CAMTA1: variants seen among roughly 807,000 people sequenced by gnomAD.
CAMTA1 encodes the protein calmodulin-binding transcription activator 1.
Under a neutral mutation model 170.9 loss-of-function variants are expected in CAMTA1, and 27 were observed. The observed-to-expected ratio is 0.16, with a 90% CI of 0.12 to 0.22. The LOEUF (loss-of-function observed/expected upper bound fraction) is 0.22, where lower values mean the gene tolerates loss of function less well. Ranked by LOEUF, CAMTA1 falls within the 10% of genes least tolerant of loss-of-function variation. The pLI is 1.00. For synonymous variants in CAMTA1, 833 were observed against 891.5 expected (o/e 0.93, Z 1.17); for missense variants, 1,619 against 2,217.2 (o/e 0.73, Z 5.42).
chr1:6,823,271 A>G (rs1280509683), intron 2 of CAMTA1, among the ~76,000 whole-genome samples: 6 of 152,112 alleles, frequency 3.9e-5, no homozygotes, highest in Middle Eastern at 3.2e-3. Context: ...CCTCGGGAGG[A>G]TGAAGTGCAG....
intron 3 of CAMTA1, among the ~76,000 whole-genome samples, chr1:7,082,955 C>T (rs1640229055): frequency 1.3e-5 from 2 of 152,176 alleles, no homozygotes; most frequent in African/African-American, 4.8e-5. Flanking sequence ...ACTCATGTGT[C>T]TTTGTATTGT....
At chr1:7,354,681 C>G (rs2084961917) in intron 5 of CAMTA1, among the ~76,000 whole-genome samples, 1 of 152,202 alleles carries the variant, frequency 6.6e-6, no homozygotes, top group Non-Finnish European at 1.5e-5. Flanking sequence ...ACATTCCCAC[C>G]TGCAATGTAC....
chr1:6,954,688 C>T lies in CAMTA1; in HGVS notation c.234+129478C>T, dbSNP rs549692092. On this transcript the variant is annotated intron_variant, in intron 3 of 22. Transcript: ENST00000303635. ...GACAGGCTCTGAGCTCGGGGGAGCC[C>T]GACCCTTAAGACTAAATCCTCAAGG... 2.7e-3 allele frequency among the ~76,000 whole-genome samples: 416 copies of T among 152,278 alleles called. 5 individuals carry two copies. Among genetic ancestry groups the T allele is most frequent in the African/African-American group, 9.1e-3 (377 of 41,558 alleles).
rs572290717 is a variant in CAMTA1, at chr1:7,251,657, C to T, written c.438+2031C>T. Among the ~76,000 whole-genome samples the T allele has an allele frequency of 1.2e-3, 178 of 152,276 alleles. No homozygotes were observed. Among genetic ancestry groups the T allele is most frequent in the African/African-American group, 4.1e-3 (169 of 41,552 alleles). On this transcript the variant is annotated intron_variant, in intron 5 of 22. Transcript: ENST00000303635. The surrounding 1 kb of genome is among the most constrained non-coding windows in gnomAD (Gnocchi z 5.1). ...TGGTGTCAGCAGAGAGAACAGGAGT[C>T]ATATTCTCTGCCCCACGGACTCATG...
chr1:7,454,977 C>A lies in CAMTA1; in HGVS notation c.439-12853C>A, dbSNP rs534966931. Among the ~76,000 whole-genome samples the A allele has an allele frequency of 8.7e-4, 133 of 152,310 alleles. 4 individuals are homozygous for A. The South Asian group carries it at 0.028, about 32-fold the overall frequency. On this transcript the variant is annotated intron_variant, in intron 5 of 22. Transcript: ENST00000303635. ...CATTCTGCAGATGATGAAGTCAGGG[C>A]TCAGTGAGACTGAGTGATTCAGCTG...
intron 5 of CAMTA1, among the ~76,000 whole-genome samples, chr1:7,344,778 C>T (rs4908622): frequency 0.25 from 36,748 of 146,484 alleles, 5,203 homozygotes; most frequent in East Asian, 0.57. Context: ...GGCAGAGTCT[C>T]GCTCTGTTGC....
chr1:7,664,801 C>T lies in CAMTA1; in HGVS notation c.2254C>T (p.Leu752Phe), dbSNP rs2095987660. ...QGLYPVAQPSLGNASNMELSL... is the reference protein window; with the variant it reads ...QGLYPVAQPSFGNASNMELSL... ...ACTCTACCCCGTGGCCCAGCCCAGC[C>T]TCGGCAACGCCTCCAACATGGAGCT... The change falls in exon 9 of 23, where the codon CTC becomes TTC. Residue 752 changes from leucine (L) to phenylalanine (F), a missense_variant. Leu to Phe is a conservative substitution (Grantham distance 22). Coordinates refer to ENST00000303635, the MANE Select transcript of CAMTA1 (RefSeq NM_015215.4). 1.9e-6 allele frequency: 3 copies of T among 1,612,978 alleles called. No homozygotes were observed. Among genetic ancestry groups the T allele is most frequent in the Non-Finnish European group, 2.5e-6 (3 of 1,179,774 alleles).
intron 11 of CAMTA1, among the ~76,000 whole-genome samples, chr1:7,688,544 T>A (rs964726191): frequency 1.3e-5 from 2 of 152,090 alleles, no homozygotes; most frequent in Non-Finnish European, 2.9e-5. Context: ...CCGGGAGAAG[T>A]GGTCCTGAGA....
rs925616162 is a variant in CAMTA1 at position 7,641,302 on chromosome 1, C to T, written c.664+749C>T. 6.6e-6 allele frequency among the ~76,000 whole-genome samples: 1 copy of T among 152,146 alleles called. No individual in the cohort carries two copies. Among genetic ancestry groups the T allele is most frequent in the Admixed American group, 6.5e-5 (1 of 15,284 alleles). On this transcript the variant is annotated intron_variant, in intron 7 of 22. Transcript: ENST00000303635. This position sits in a 1 kb window ranked among gnomAD's most constrained non-coding sequence, Gnocchi z 4.5. ...GGGCTGTTTAGTGGTGGACACGTAG[C>T]CCACGGGGTTCAGGGACATTGATGG...
Position 7,705,114 on chromosome 1 carries a change from G to A in CAMTA1, c.2915-27334G>A, listed in dbSNP as rs180671286. On this transcript the variant is annotated intron_variant, in intron 11 of 22. Transcript: ENST00000303635. ...GGGCGTGTTTACGCGCGGCAGGGAGGGGCCACGAGGGTGCGCGCGTTTCTG... is the reference window on the plus strand; with the variant it reads ...GGGCGTGTTTACGCGCGGCAGGGAGAGGCCACGAGGGTGCGCGCGTTTCTG... 8.7e-3 allele frequency among the ~76,000 whole-genome samples: 1,327 copies of A among 151,690 alleles called. 14 individuals carry two copies. Among genetic ancestry groups the A allele is most frequent in the African/African-American group, 0.029 (1,200 of 41,452 alleles).
intron 11 of CAMTA1, among the ~76,000 whole-genome samples, chr1:7,702,777 CCCAGGT>C (rs2096455825): frequency 6.6e-6 from 1 of 152,074 alleles, no homozygotes; most frequent in African/African-American, 2.4e-5. Flanking sequence ...AAAACCAGTG[CCCAGGT>C]CGAGATTAAA....
Position 7,006,985 on chromosome 1 carries a change from C to T in CAMTA1, c.235-84319C>T, listed in dbSNP as rs1442501963. On this transcript the variant is annotated intron_variant, in intron 3 of 22. Coordinates refer to ENST00000303635, the MANE Select transcript of CAMTA1 (RefSeq NM_015215.4). ...CCTAGCACAAAATTCACTTTCTTAA[C>T]AAGAATGTCAGATGGTAGTAAAAAA... Among the ~76,000 whole-genome samples, 13 of 145,488 alleles carry T rather than the reference C, an allele frequency of 8.9e-5. 1 individual carries two copies. The highest frequency in any genetic ancestry group is 7.6e-4 in the Admixed American group (11 of 14,534).
intron 6 of CAMTA1, among the ~76,000 whole-genome samples, chr1:7,486,339 A>T (rs2093617221): frequency 6.6e-6 from 1 of 152,178 alleles, no homozygotes; most frequent in Admixed American, 6.5e-5. Flanking sequence ...CCATTGCAAA[A>T]TTCTCAAAAA....
intron 11 of CAMTA1, among the ~76,000 whole-genome samples, chr1:7,699,590 C>A (rs1179976407): frequency 6.6e-6 from 1 of 152,162 alleles, no homozygotes; most frequent in Non-Finnish European, 1.5e-5. Flanking sequence ...TGAAGAACTG[C>A]CAGACTGTTT....
intron 9 of CAMTA1, among the ~76,000 whole-genome samples, chr1:7,668,253 A>G (rs1576712760): frequency 6.6e-6 from 1 of 152,100 alleles, no homozygotes; most frequent in African/African-American, 2.4e-5. Flanking sequence ...CTAAACCTCA[A>G]TGCATCTACC....
intron 11 of CAMTA1, among the ~76,000 whole-genome samples, chr1:7,706,140 A>G (rs146361639): frequency 1.2e-3 from 178 of 152,346 alleles, no homozygotes; most frequent in Non-Finnish European, 3.7e-4. Context: ...TCACCAGGGA[A>G]GGACGACAAT....
chr1:7,424,658 C>G (rs907111553), intron 5 of CAMTA1, among the ~76,000 whole-genome samples: 8 of 152,168 alleles, frequency 5.3e-5, no homozygotes, highest in African/African-American at 1.9e-4. Context: ...TCCTTCCTTC[C>G]TCTCAGTCTC....
chr1:6,835,980 C>A (rs1652908388), intron 3 of CAMTA1, among the ~76,000 whole-genome samples: 1 of 152,148 alleles, frequency 6.6e-6, no homozygotes, highest in South Asian at 2.1e-4. Context: ...ACTCCTTCTT[C>A]ATATCCGTTT....
intron 11 of CAMTA1, among the ~76,000 whole-genome samples, chr1:7,720,547 A>G (rs946916281): frequency 6.6e-6 from 1 of 151,916 alleles, no homozygotes; most frequent in African/African-American, 2.4e-5. Flanking sequence ...ATGCCTGGCT[A>G]AATTTTGTAT....
Sources: allele counts gnomAD v4.1 joint callset (sites outside exome capture counted in the v4.1 genomes callset), GRCh38; gene constraint gnomAD v4.1.1; non-coding constraint Gnocchi (gnomAD v3.1); transcripts MANE v1.5; gene names NCBI Gene and HGNC (gene_info 2026-07-23, HGNC 2026-07-21).